The following GPC5 variants were observed in gnomAD, a reference collection of about 807,000 sequenced individuals.
The protein encoded by GPC5 is glypican-5.
A neutral mutation model predicts 53.9 loss-of-function variants in GPC5; 47 were observed. That is an observed-to-expected ratio of 0.87 (90% CI 0.69 to 1.11). GPC5 has a LOEUF of 1.11. Among genes scored for constraint, GPC5 ranks in the 50% most tolerant of loss-of-function variants. The pLI is 0.00. For synonymous variants in GPC5, 286 were observed against 263.3 expected (o/e 1.09, Z -0.84); for missense variants, 748 against 713.1 (o/e 1.05, Z -0.56).
At chr13:92,741,335 T>C (rs890687625) in intron 7 of GPC5, among the ~76,000 whole-genome samples, 2 of 151,862 alleles carry the variant, frequency 1.3e-5, no homozygotes, top group Non-Finnish European at 2.9e-5. Context: ...GCAATCACAT[T>C]AATGTATTCA....
At chr13:91,583,314 T>G (rs1446574191) in intron 2 of GPC5, among the ~76,000 whole-genome samples, 7 of 152,186 alleles carry the variant, frequency 4.6e-5, no homozygotes, top group Non-Finnish European at 1.0e-4. Flanking sequence ...GATGTATATT[T>G]GAACTATTAA....
In GPC5 at chr13:92,469,913, T is replaced by C. The variant is rs1878844528; in HGVS notation, c.1561+324924T>C. On this transcript the variant is annotated intron_variant, in intron 7 of 7. Transcript: ENST00000377067. ...CAACTCATACTAAATATGAAAATTG[T>C]TTTTTCTTTATCATGACAAAGTGTC... 2.0e-5 allele frequency among the ~76,000 whole-genome samples: 3 copies of C among 152,130 alleles called. No homozygotes were observed. The South Asian group carries it at 6.2e-4, about 32-fold the overall frequency.
At chr13:92,606,461 C>T (rs1884264527) in intron 7 of GPC5, among the ~76,000 whole-genome samples, 1 of 152,108 alleles carries the variant, frequency 6.6e-6, no homozygotes, top group Admixed American at 6.6e-5. Context: ...TGTATATGTG[C>T]CACATTTTCT....
intron 7 of GPC5, among the ~76,000 whole-genome samples, chr13:92,236,461 A>C (rs1188861966): frequency 6.6e-6 from 1 of 152,138 alleles, no homozygotes; most frequent in Non-Finnish European, 1.5e-5. Flanking sequence ...TATAGATCCC[A>C]GTAGAAAAAA....
At chr13:91,470,080 C>T (rs1021419784) in intron 2 of GPC5, among the ~76,000 whole-genome samples, 7 of 152,286 alleles carry the variant, frequency 4.6e-5, no homozygotes, top group Admixed American at 4.6e-4. Context: ...ACTCCCACCA[C>T]AGGTTTTGAA....
chr13:92,216,240 TA>T (rs2042409362), intron 7 of GPC5, among the ~76,000 whole-genome samples: 1 of 152,174 alleles, frequency 6.6e-6, no homozygotes, highest in Non-Finnish European at 1.5e-5. Flanking sequence ...AGATTAAAAA[TA>T]GAGTAATCGT....
intron 7 of GPC5, among the ~76,000 whole-genome samples, chr13:92,440,894 A>C (rs1160905245): frequency 6.6e-6 from 1 of 152,112 alleles, no homozygotes; most frequent in Non-Finnish European, 1.5e-5. Context: ...TCTTTTGAGA[A>C]GTGTCTGTCC....
intron 7 of GPC5, among the ~76,000 whole-genome samples, chr13:92,454,618 T>C (rs569932101): frequency 6.6e-6 from 1 of 152,334 alleles, no homozygotes; most frequent in South Asian, 2.1e-4. Flanking sequence ...ATAGATGTGA[T>C]CCCTGCCCTC....
At chr13:92,376,565 C>T (rs2043695262) in intron 7 of GPC5, among the ~76,000 whole-genome samples, 2 of 152,130 alleles carry the variant, frequency 1.3e-5, no homozygotes, top group South Asian at 4.1e-4. Context: ...GTAAGTTCCT[C>T]CATCTGAGCT....
intron 2 of GPC5, among the ~76,000 whole-genome samples, chr13:91,612,206 G>C (rs1304626896): frequency 6.6e-6 from 1 of 152,140 alleles, no homozygotes; most frequent in African/African-American, 2.4e-5. Context: ...TAAGTGATAA[G>C]AATTTCCCCA....
intron 7 of GPC5, among the ~76,000 whole-genome samples, chr13:92,799,287 TCAAA>T (rs1269276811): frequency 4.0e-5 from 6 of 151,818 alleles, no homozygotes; most frequent in African/African-American, 9.7e-5. Flanking sequence ...CTGTGTAACT[TCAAA>T]CAGACACATA....
At chr13:91,734,428 T>C (rs1424885434) in intron 4 of GPC5, among the ~76,000 whole-genome samples, 1 of 151,288 alleles carries the variant, frequency 6.6e-6, no homozygotes, top group East Asian at 1.9e-4. Flanking sequence ...TGTCCCAATG[T>C]GAGACAGATT....
At chr13:92,442,985 G>A (rs533070156) in intron 7 of GPC5, among the ~76,000 whole-genome samples, 1 of 152,260 alleles carries the variant, frequency 6.6e-6, no homozygotes, top group South Asian at 2.1e-4. Flanking sequence ...TTGCAATAAT[G>A]GAATACCGGA....
At chr13:91,854,058 T>C (rs965163639) in intron 5 of GPC5, among the ~76,000 whole-genome samples, 1 of 151,796 alleles carries the variant, frequency 6.6e-6, no homozygotes, top group Non-Finnish European at 1.5e-5. Context: ...CTCTGTCGCT[T>C]TCCAACCCCT....
chr13:91,563,480 C>A (rs1196168050), intron 2 of GPC5, among the ~76,000 whole-genome samples: 2 of 152,128 alleles, frequency 1.3e-5, no homozygotes, highest in Middle Eastern at 3.2e-3. Context: ...TCTTAGACAT[C>A]TTTCAGGGTT....
rs745565068 is a variant in GPC5 at position 91,571,769 on chromosome 13, GTATA to G, written c.326-121415_326-121412del. Among the ~76,000 whole-genome samples, 3 of 114,358 alleles carry G rather than the reference GTATA, an allele frequency of 2.6e-5. No individual in the cohort carries two copies. In the South Asian group the frequency reaches 7.8e-4, roughly 30 times the overall value. The allele number at this position is 114,358 out of a possible 152,430, so 75.0% of individuals were successfully genotyped here. ...TATACACACATATACATGTGTATGT[GTATA>G]TACACACACATATACGTGTGTGTAT... On this transcript the variant is annotated intron_variant, in intron 2 of 7. Transcript: ENST00000377067.
chr13:92,725,978 G>C (rs1261588068), intron 7 of GPC5, among the ~76,000 whole-genome samples: 4 of 151,534 alleles, frequency 2.6e-5, no homozygotes, highest in South Asian at 4.1e-4. Context: ...ACTGTATCAG[G>C]CTTCATCTTC....
chr13:92,642,067 A>G (rs1304812660), intron 7 of GPC5, among the ~76,000 whole-genome samples: 1 of 152,118 alleles, frequency 6.6e-6, no homozygotes, highest in Non-Finnish European at 1.5e-5. Context: ...AAAAAAAAAT[A>G]TTTCAAAAAT....
intron 6 of GPC5, among the ~76,000 whole-genome samples, chr13:92,073,168 C>T (rs993342643): frequency 1.3e-5 from 2 of 151,984 alleles, no homozygotes; most frequent in Non-Finnish European, 2.9e-5. Flanking sequence ...TTTCATATTT[C>T]TTGTGTTAAA....
Sources: allele counts gnomAD v4.1 joint callset (sites outside exome capture counted in the v4.1 genomes callset), GRCh38; gene constraint gnomAD v4.1.1; transcripts MANE v1.5; gene names NCBI Gene and HGNC (gene_info 2026-07-23, HGNC 2026-07-21).